The following DST variants were observed in gnomAD, a reference collection of about 807,000 sequenced individuals.
The protein encoded by DST is dystonin, also known as bullous pemphigoid antigen.
In DST, 253 loss-of-function variants were observed where a neutral mutation model predicts 875.2. The ratio of observed to expected loss-of-function variants is 0.29; its 90% CI spans 0.26 to 0.32. The LOEUF is 0.32. DST is among the 10% of genes least tolerant of loss of function. The probability of loss-of-function intolerance (pLI) is 1.00; values close to 1 mark genes in which losing one functional copy is unlikely to be tolerated. For missense variants in DST, 8,287 were observed against 9,111.6 expected (o/e 0.91, Z 3.68); for synonymous variants, 3,124 against 3,197.1 (o/e 0.98, Z 0.77).
At chr6:56,516,147 GAAA>G (rs1429699998) in intron 71 of DST, among the ~76,000 whole-genome samples, 18 of 142,984 alleles carry the variant, frequency 1.3e-4, no homozygotes, top group Non-Finnish European at 2.5e-4. Context: ...GAGAGAGAGA[GAAA>G]GAGAAAGAGA....
In DST at chr6:56,607,068, T is replaced by C. The variant is rs2098504788; in HGVS notation, c.7560A>G (p.Gln2520=). 4 of 1,613,250 alleles carry C rather than the reference T, an allele frequency of 2.5e-6. No individual in the cohort carries two copies. The highest frequency in any genetic ancestry group is 3.4e-6 in the Non-Finnish European group (4 of 1,179,546). The change falls in exon 40 of 104, where the codon CAA becomes CAG. Residue 2520 remains glutamine, a synonymous_variant. Transcript: ENST00000680361. Reference sequence around the variant, plus strand: ...TTGAAATGTATTTATCATTGTGATATTGTACTTGAGGATTACTAGAAATCA... The same window carrying C: ...TTGAAATGTATTTATCATTGTGATACTGTACTTGAGGATTACTAGAAATCA... ...LNMISSNPQV[Q]YHNDKYISNT...
rs576209393 is a variant in DST, at chr6:56,717,557, C to T, written c.688-13188G>A. Among the ~76,000 whole-genome samples, 30 of 152,288 alleles carry T rather than the reference C, an allele frequency of 2.0e-4. No individual in the cohort carries two copies. The South Asian group carries it at 6.0e-3, about 31-fold the overall frequency. ...GGTTACCCATCATTATTCCAGAGGT[C>T]GTAAGATATGCAGCTTCCCCAATTA... On this transcript the variant is annotated intron_variant, in intron 5 of 103. Coordinates refer to ENST00000680361, the MANE Select transcript of DST (RefSeq NM_001374736.1).
chr6:56,755,236 G>T (rs917982266), intron 4 of DST, among the ~76,000 whole-genome samples: 1 of 152,130 alleles, frequency 6.6e-6, no homozygotes, highest in African/African-American at 2.4e-5. Flanking sequence ...CTGAGTACTT[G>T]TAACAGACCT....
intron 49 of DST, among the ~76,000 whole-genome samples, chr6:56,589,730 T>C (rs1430652879): frequency 6.6e-6 from 1 of 152,240 alleles, no homozygotes; most frequent in Non-Finnish European, 1.5e-5. Flanking sequence ...CTAATTTCCC[T>C]GGAAGGGGAT....
At chr6:56,916,648 G>A (rs569208218) in intron 2 of DST, among the ~76,000 whole-genome samples, 6 of 151,788 alleles carry the variant, frequency 4.0e-5, no homozygotes, top group Non-Finnish European at 7.4e-5. Context: ...AGCTATCTGG[G>A]AGGCTGAGGT....
At chr6:56,512,798 A>T (rs1341440175) in intron 72 of DST, among the ~76,000 whole-genome samples, 4 of 152,240 alleles carry the variant, frequency 2.6e-5, no homozygotes, top group African/African-American at 7.2e-5. Flanking sequence ...ACTGCCTCAA[A>T]ATAGTTTTAG....
intron 3 of DST, among the ~76,000 whole-genome samples, chr6:56,876,096 C>T (rs770527823): frequency 2.0e-5 from 3 of 152,118 alleles, no homozygotes; most frequent in Non-Finnish European, 2.9e-5. Context: ...ATCGAAATCC[C>T]GGAGGGAAAC....
intron 5 of DST, among the ~76,000 whole-genome samples, chr6:56,705,165 C>A (rs190524559): frequency 5.3e-5 from 8 of 152,312 alleles, no homozygotes; most frequent in Non-Finnish European, 1.2e-4. Flanking sequence ...TTGTGTTGGA[C>A]AGACAAATGT....
intron 2 of DST, among the ~76,000 whole-genome samples, chr6:56,948,523 G>A (rs1040281323): frequency 6.6e-6 from 1 of 152,188 alleles, no homozygotes; most frequent in East Asian, 1.9e-4. Context: ...GCTACTCAGA[G>A]TGGCACGCAA....
intron 4 of DST, among the ~76,000 whole-genome samples, chr6:56,764,097 G>GCACACATGCACACA (rs2099626073): frequency 1.4e-5 from 2 of 141,926 alleles, no homozygotes; most frequent in Non-Finnish European, 3.0e-5. Context: ...AAGTGCACAT[G>GCACACATGCACACA]CACACACACA....
chr6:56,765,594 C>T (rs2099631420), intron 4 of DST, among the ~76,000 whole-genome samples: 1 of 152,116 alleles, frequency 6.6e-6, no homozygotes, highest in Non-Finnish European at 1.5e-5. Flanking sequence ...TGTCTTGAGG[C>T]AGAGGTGATG....
chr6:56,483,635 C>T (rs2095473848), intron 88 of DST: 1 of 144,220 alleles, frequency 6.9e-6, no homozygotes, highest in Non-Finnish European at 1.5e-5. Flanking sequence ...AAGAAGTGAG[C>T]CCAGAGCTCT....
chr6:56,606,578 T>C lies in DST; in HGVS notation c.8050A>G (p.Lys2684Glu), dbSNP rs950620811. ...APVGSLSVKN[K>E]AHCLQDFLMD... ...AGGAAATCCTGAAGACAATGTGCTT[T>C]GTTCTTCACACTTAAGCTACCAACT... Residue 2684 changes from lysine (K) to glutamate (E), a missense_variant, in exon 40 of 104, where the codon AAA (lysine) becomes GAA (glutamate). Around this residue, in one of 10 missense-constraint regions of DST, gnomAD observed 3,138 missense variants for 3,116.6 expected, o/e 1.01. Coordinates refer to ENST00000680361, the MANE Select transcript of DST (RefSeq NM_001374736.1). 6.2e-7 allele frequency: 1 copy of C among 1,613,486 alleles called. No homozygotes were observed. The highest frequency in any genetic ancestry group is 8.5e-7 in the Non-Finnish European group (1 of 1,179,650).
intron 87 of DST, 88 bp from the exon 88 acceptor site, chr6:56,485,559 G>A: frequency 7.5e-7 from 1 of 1,325,538 alleles, no homozygotes; most frequent in South Asian, 1.3e-5. Flanking sequence ...TGAAGGTTGA[G>A]TGGTACTCAA....
rs1273443313 is a variant in DST, at chr6:56,476,202, C to T, written c.21811G>A (p.Glu7271Lys). 6.2e-7 allele frequency: 1 copy of T among 1,613,166 alleles called. No individual in the cohort carries two copies. The highest frequency in any genetic ancestry group is 8.5e-7 in the Non-Finnish European group (1 of 1,179,542). Residue 7271 changes from glutamate (E) to lysine (K), a missense_variant, in exon 92 of 104, where the codon GAA (glutamate) becomes AAA (lysine). This residue lies in a region of DST where 1,292 missense variants were observed against 1,552.7 expected (regional missense o/e 0.83). Coordinates refer to ENST00000680361, the MANE Select transcript of DST (RefSeq NM_001374736.1). ...TCTTCGATCTCCTGGGGGATGACTT[C>T]TTTATCCTTATCAGTAAGTGTAGTT... ...AETTLTDKDK[E>K]VIPQEIEEVK...
intron 36 of DST, chr6:56,615,336 C>A: frequency 6.9e-7 from 1 of 1,440,510 alleles, no homozygotes; most frequent in Non-Finnish European, 9.1e-7. Context: ...GGCATTAAAT[C>A]TTATGTAATT....
chr6:56,642,621 C>T, intron 15 of DST, 118 bp from the exon 16 acceptor site: 1 of 1,614,122 alleles, frequency 6.2e-7, no homozygotes, highest in Non-Finnish European at 8.5e-7. Flanking sequence ...TGATTCAATA[C>T]CTGTGTCCAT....
chr6:56,793,068 C>CAAAAAAAAAA (rs61457774), intron 4 of DST, among the ~76,000 whole-genome samples: 3 of 42,318 alleles, frequency 7.1e-5, no homozygotes, highest in Admixed American at 4.5e-4. Context: ...GACCCTGTCT[C>CAAAAAAAAAA]AAAAAAAAAA....
At chr6:56,738,325 T>C (rs1377487466) in intron 4 of DST, among the ~76,000 whole-genome samples, 2 of 152,122 alleles carry the variant, frequency 1.3e-5, no homozygotes, top group South Asian at 2.1e-4. Flanking sequence ...GAATTTATAC[T>C]AAAATTTTTT....
Sources: allele counts gnomAD v4.1 joint callset (sites outside exome capture counted in the v4.1 genomes callset), GRCh38; gene constraint gnomAD v4.1.1; regional missense constraint gnomAD v4.1.1; transcripts MANE v1.5; gene names NCBI Gene and HGNC (gene_info 2026-07-23, HGNC 2026-07-21).